The following SPIDR variants were observed in gnomAD, a reference collection of about 807,000 sequenced individuals.
SPIDR encodes the protein scaffold protein involved in DNA repair.
SPIDR carries 93 observed loss-of-function variants against 104.6 expected under a neutral mutation model. The observed-to-expected ratio is 0.89, with a 90% CI of 0.75 to 1.06. The LOEUF (loss-of-function observed/expected upper bound fraction) is 1.06, where lower values mean the gene tolerates loss of function less well. Among genes scored for constraint, SPIDR ranks in the 50% least tolerant of loss-of-function variants. SPIDR has a pLI of 0.00. For missense variants in SPIDR, 1,154 were observed against 1,111.2 expected (o/e 1.04, Z -0.55); for synonymous variants, 431 against 416.9 (o/e 1.03, Z -0.41).
chr8:47,421,684 C>G (rs1189225604), intron 7 of SPIDR, among the ~76,000 whole-genome samples: 4 of 152,212 alleles, frequency 2.6e-5, no homozygotes, highest in Non-Finnish European at 5.9e-5. Flanking sequence ...AGGAGAGGCT[C>G]TCTGCTTTTT....
intron 10 of SPIDR, among the ~76,000 whole-genome samples, chr8:47,651,731 A>C (rs1397290697): frequency 6.6e-6 from 1 of 152,240 alleles, no homozygotes; most frequent in Non-Finnish European, 1.5e-5. Flanking sequence ...TGAGTAGATA[A>C]AGAAAAATCA....
chr8:47,393,676 TC>T (rs1554654087), intron 5 of SPIDR, among the ~76,000 whole-genome samples: 8 of 7,234 alleles, frequency 1.1e-3, no homozygotes, highest in African/African-American at 1.6e-3. Context: ...CTTTCCTTTT[TC>T]CTTTCCTTTC....
chr8:47,401,940 A>G (rs868908755), intron 6 of SPIDR, among the ~76,000 whole-genome samples: 5 of 152,196 alleles, frequency 3.3e-5, no homozygotes, highest in Non-Finnish European at 5.9e-5. Context: ...CAGAAAGTTA[A>G]CAAGGATATC....
At chr8:47,470,783 G>A (rs563410260) in intron 8 of SPIDR, among the ~76,000 whole-genome samples, 11 of 151,852 alleles carry the variant, frequency 7.2e-5, no homozygotes, top group Non-Finnish European at 1.5e-4. Flanking sequence ...AGCCCAGGCT[G>A]GAGTGCAGTG....
At chr8:47,308,367 G>GTT (rs797034732) in intron 5 of SPIDR, among the ~76,000 whole-genome samples, 19 of 132,566 alleles carry the variant, frequency 1.4e-4, no homozygotes, top group East Asian at 2.2e-4. Context: ...CCGGCCTGCT[G>GTT]TTTTTTTTTT....
At chr8:47,582,837 C>T (rs2059851287) in intron 8 of SPIDR, among the ~76,000 whole-genome samples, 1 of 128,142 alleles carries the variant, frequency 7.8e-6, no homozygotes, top group African/African-American at 3.9e-5. Flanking sequence ...TACACACACA[C>T]ACACACACAC....
intron 8 of SPIDR, among the ~76,000 whole-genome samples, chr8:47,539,685 C>T (rs1186497691): frequency 6.6e-6 from 1 of 151,762 alleles, no homozygotes; most frequent in Non-Finnish European, 1.5e-5. Flanking sequence ...GGACAGTATT[C>T]AGTCCTGGGA....
intron 8 of SPIDR, among the ~76,000 whole-genome samples, chr8:47,483,896 A>G (rs919363958): frequency 2.0e-5 from 3 of 152,240 alleles, no homozygotes; most frequent in African/African-American, 7.2e-5. Flanking sequence ...GATGGGGTGG[A>G]GTTCCAGTTT....
chr8:47,697,889 G>A (rs2079579208), intron 11 of SPIDR: 1 of 152,272 alleles, frequency 6.6e-6, no homozygotes, highest in African/African-American at 2.4e-5. Flanking sequence ...GGGAGCTGCT[G>A]GGTGAGCTGC....
At chr8:47,464,155 CAG>C (rs71225686) in intron 8 of SPIDR, among the ~76,000 whole-genome samples, 3,420 of 135,564 alleles carry the variant, frequency 0.025, 50 homozygotes, top group Non-Finnish European at 0.037. Context: ...CACACACACA[CAG>C]AGCACGTTAG....
intron 10 of SPIDR, among the ~76,000 whole-genome samples, chr8:47,624,992 A>G (rs2065818125): frequency 6.6e-6 from 1 of 152,198 alleles, no homozygotes; most frequent in Admixed American, 6.5e-5. Flanking sequence ...TCCTCAATAA[A>G]ATACTGGCAA....
intron 5 of SPIDR, among the ~76,000 whole-genome samples, chr8:47,315,098 C>T (rs1379343923): frequency 6.6e-6 from 1 of 151,702 alleles, no homozygotes; most frequent in Non-Finnish European, 1.5e-5. Context: ...TTGTATATAC[C>T]TAATAAGATC....
At chr8:47,721,475 C>CT (rs751216278) in intron 16 of SPIDR, among the ~76,000 whole-genome samples, 3,225 of 143,938 alleles carry the variant, frequency 0.022, 49 homozygotes, top group African/African-American at 0.045. Flanking sequence ...ATTATTGAAA[C>CT]TTTTTTTTTT....
chr8:47,461,827 TTTTTTTATTTCCTTA>T (rs1285639897), intron 8 of SPIDR, among the ~76,000 whole-genome samples: 1 of 152,076 alleles, frequency 6.6e-6, no homozygotes, highest in East Asian at 1.9e-4. Context: ...CTTGTATCTT[TTTTTTTATTTCCTTA>T]AATTGGACTT....
chr8:47,395,868 T>C (rs935022279), intron 5 of SPIDR, among the ~76,000 whole-genome samples: 1 of 152,228 alleles, frequency 6.6e-6, no homozygotes, highest in Admixed American at 6.5e-5. Flanking sequence ...CTCTGGAAAA[T>C]AATTATATAA....
At chr8:47,497,640 A>G (rs1037051563) in intron 8 of SPIDR, among the ~76,000 whole-genome samples, 2 of 152,210 alleles carry the variant, frequency 1.3e-5, no homozygotes, top group African/African-American at 2.4e-5. Flanking sequence ...TGTGCACTTA[A>G]AAGGAATAAG....
intron 5 of SPIDR, among the ~76,000 whole-genome samples, chr8:47,310,408 G>A (rs928551878): frequency 6.6e-6 from 1 of 151,558 alleles, no homozygotes; most frequent in Non-Finnish European, 1.5e-5. Context: ...ATTCTTTGGA[G>A]TTGTGCTTTT....
chr8:47,512,032 A>T, intron 8 of SPIDR: 1 of 726,486 alleles, frequency 1.4e-6, no homozygotes, highest in Non-Finnish European at 2.5e-6. Flanking sequence ...AAAGCTCGCT[A>T]GCGCAATCTG....
chr8:47,403,027 T>C (rs1309721979), intron 6 of SPIDR, among the ~76,000 whole-genome samples: 1 of 152,146 alleles, frequency 6.6e-6, no homozygotes, highest in African/African-American at 2.4e-5. Flanking sequence ...GCTTCATCCC[T>C]GGGATGCAAG....
Sources: allele counts gnomAD v4.1 joint callset (sites outside exome capture counted in the v4.1 genomes callset), GRCh38; gene constraint gnomAD v4.1.1; transcripts MANE v1.5; gene names NCBI Gene and HGNC (gene_info 2026-07-23, HGNC 2026-07-21).